The following ITPR2 variants were observed in gnomAD, a reference collection of about 807,000 sequenced individuals.
ITPR2 encodes inositol 1,4,5-trisphosphate receptor type 2.
A neutral mutation model predicts 317.1 loss-of-function variants in ITPR2; 207 were observed. The observed-to-expected ratio is 0.65, with a 90% CI of 0.58 to 0.73. ITPR2 has a LOEUF of 0.73. Among genes scored for constraint, ITPR2 ranks in the 30% least tolerant of loss-of-function variants. ITPR2 has a pLI of 0.00. For synonymous variants in ITPR2, 1,156 were observed against 1,149.1 expected (o/e 1.01, Z -0.12); for missense variants, 2,613 against 3,284.0 (o/e 0.80, Z 4.99).
intron 26 of ITPR2, among the ~76,000 whole-genome samples, chr12:26,612,495 A>G (rs994098024): frequency 2.0e-5 from 3 of 152,312 alleles, no homozygotes; most frequent in South Asian, 2.1e-4. Context: ...CATTGCCACT[A>G]TCTTTGGCTG....
At chr12:26,649,383 T>G (rs1947190847) in intron 21 of ITPR2, 1 of 152,212 alleles carries the variant, frequency 6.6e-6, no homozygotes, top group Admixed American at 6.5e-5. Context: ...ACTGACATAA[T>G]CAATATTCAA....
chr12:26,767,774 C>A (rs1438794797), intron 2 of ITPR2, among the ~76,000 whole-genome samples: 3 of 152,136 alleles, frequency 2.0e-5, no homozygotes, highest in Non-Finnish European at 2.9e-5. Context: ...TGTATTAAAT[C>A]TTTTTCTTCT....
chr12:26,711,791 A>G (rs1948646657), intron 8 of ITPR2, among the ~76,000 whole-genome samples: 1 of 152,226 alleles, frequency 6.6e-6, no homozygotes, highest in African/African-American at 2.4e-5. Context: ...TATGACCATC[A>G]TGAGTATGGG....
chr12:26,549,833 T>A lies in ITPR2; in HGVS notation c.5073+414A>T, dbSNP rs148017450. 3.6e-4 allele frequency among the ~76,000 whole-genome samples: 55 copies of A among 152,000 alleles called. No individual in the cohort carries two copies. The Middle Eastern group carries it at 0.01, about 28-fold the overall frequency. ...AAACTTGGCAGAATATTATAAAAAA[T>A]AACATGAATATATATTTATAATAAA... is the stretch of plus-strand genomic sequence containing the variant. On this transcript the variant is annotated intron_variant, in intron 37 of 56. Transcript: ENST00000381340.
At chr12:26,549,159 A>C (rs1944461463) in intron 37 of ITPR2, among the ~76,000 whole-genome samples, 3 of 152,204 alleles carry the variant, frequency 2.0e-5, no homozygotes, top group African/African-American at 7.2e-5. Context: ...ATCATTTTTT[A>C]AATATGAAAG....
At chr12:26,753,338 TG>T (rs1370169875) in intron 2 of ITPR2, among the ~76,000 whole-genome samples, 6 of 152,348 alleles carry the variant, frequency 3.9e-5, no homozygotes, top group African/African-American at 1.4e-4. Flanking sequence ...TGGAATAATC[TG>T]CCTTGTACTC....
intron 2 of ITPR2, among the ~76,000 whole-genome samples, chr12:26,749,901 A>C (rs1270479435): frequency 6.6e-6 from 1 of 152,116 alleles, no homozygotes; most frequent in Non-Finnish European, 1.5e-5. Flanking sequence ...ACAATTGCTA[A>C]TTCATATTTG....
At chr12:26,702,965 C>G (rs974866637) in intron 9 of ITPR2, among the ~76,000 whole-genome samples, 2 of 152,166 alleles carry the variant, frequency 1.3e-5, no homozygotes, top group Admixed American at 6.5e-5. Context: ...GATTCAACTA[C>G]GGAATTTCCA....
At chr12:26,546,530 A>G (rs1013956533) in intron 37 of ITPR2, among the ~76,000 whole-genome samples, 1 of 152,208 alleles carries the variant, frequency 6.6e-6, no homozygotes, top group African/African-American at 2.4e-5. Context: ...ATGACATGAT[A>G]TCATATTCTT....
chr12:26,659,281 T>G lies in ITPR2; in HGVS notation c.1718A>C (p.Tyr573Ser). Residue 573 changes from tyrosine (Y) to serine (S), a missense_variant, in exon 16 of 57, where the codon TAT becomes TCT. This residue lies in a region of ITPR2 where 515 missense variants were observed against 789.4 expected (regional missense o/e 0.65). Coordinates refer to ENST00000381340, the MANE Select transcript of ITPR2 (RefSeq NM_002223.4). ...CATGACACAGAAATTCTTAGCAATA[T>G]ATTCCTGCAAAGAAGAAAGGCTGTC... is the stretch of plus-strand genomic sequence containing the variant. ...SQQDYRKNQE[Y>S]IAKNFCVMQS... 1 of 1,613,024 alleles carries G rather than the reference T, an allele frequency of 6.2e-7. No homozygotes were observed. Among genetic ancestry groups the G allele is most frequent in the Non-Finnish European group, 8.5e-7 (1 of 1,179,682 alleles).
At chr12:26,501,820 T>C (rs962432389) in intron 37 of ITPR2, among the ~76,000 whole-genome samples, 4 of 152,224 alleles carry the variant, frequency 2.6e-5, no homozygotes, top group Admixed American at 1.3e-4. Context: ...AAAAAGCAAT[T>C]CTGCAGCATA....
intron 9 of ITPR2, among the ~76,000 whole-genome samples, chr12:26,706,184 G>A (rs575374792): frequency 1.3e-3 from 205 of 152,254 alleles, no homozygotes; most frequent in Middle Eastern, 3.4e-3. Flanking sequence ...TGTGGCTGTT[G>A]TGAATGAGAA....
rs182968385 is a variant in ITPR2, at chr12:26,379,342, T to C, written c.7857+8092A>G. 3.9e-5 allele frequency among the ~76,000 whole-genome samples: 6 copies of C among 152,314 alleles called. No homozygotes were observed. The East Asian group carries it at 1.2e-3, about 29-fold the overall frequency. ...GATAAGTAGTCAACACTTACCCATG[T>C]CAGTTATATTAGTGGTAGTGTTGTT... On this transcript the variant is annotated intron_variant, in intron 55 of 56. Coordinates refer to ENST00000381340, the MANE Select transcript of ITPR2 (RefSeq NM_002223.4).
intron 51 of ITPR2, 70 bp downstream of exon 51, chr12:26,415,233 T>C: frequency 2.0e-6 from 2 of 979,908 alleles, no homozygotes; most frequent in South Asian, 1.7e-5. Context: ...TTATCTATGA[T>C]CCTGTTAACA....
At chr12:26,577,981 C>T (rs4964003) in intron 34 of ITPR2, among the ~76,000 whole-genome samples, 111,281 of 152,072 alleles carry the variant, frequency 0.73, 42,134 homozygotes, top group Non-Finnish European at 0.83. Context: ...TGGTAAGTAC[C>T]CAACAAATGT....
In ITPR2 at chr12:26,824,295, G is replaced by C. The variant is rs527796016; in HGVS notation, c.92+8395C>G. Among the ~76,000 whole-genome samples, 30 of 152,208 alleles carry C rather than the reference G, an allele frequency of 2.0e-4. 1 individual carries two copies. In the East Asian group the frequency reaches 4.8e-3, roughly 25 times the overall value. On this transcript the variant is annotated intron_variant, in intron 1 of 56. Transcript: ENST00000381340. Reference sequence around the variant, plus strand: ...TTTCTACTGAATGAGTATTACTTTTGCACCATCATCAAGTTGAAAAATTGT... The same window carrying C: ...TTTCTACTGAATGAGTATTACTTTTCCACCATCATCAAGTTGAAAAATTGT...
intron 52 of ITPR2, among the ~76,000 whole-genome samples, chr12:26,404,376 T>C (rs1480130671): frequency 2.6e-5 from 4 of 152,156 alleles, no homozygotes; most frequent in Admixed American, 2.6e-4. Context: ...TGTATGTTTA[T>C]AGAATGAGAA....
intron 2 of ITPR2, among the ~76,000 whole-genome samples, chr12:26,772,230 T>G (rs925039231): frequency 3.4e-4 from 51 of 151,554 alleles, no homozygotes; most frequent in African/African-American, 1.1e-3. Context: ...CCAACAAGTC[T>G]ACATGTCCTT....
chr12:26,635,757 C>T (rs1232695180), intron 21 of ITPR2, among the ~76,000 whole-genome samples: 2 of 152,180 alleles, frequency 1.3e-5, no homozygotes, highest in African/African-American at 2.4e-5. Context: ...TATAAACCTG[C>T]CCTTGCTGGA....
Sources: gnomAD v4.1 joint callset for allele counts (sites outside exome capture counted in the v4.1 genomes callset) on GRCh38, gnomAD v4.1.1 for gene constraint, gnomAD v4.1.1 regional missense constraint, MANE v1.5 for transcripts, NCBI Gene and HGNC (gene_info 2026-07-23, HGNC 2026-07-21) for gene names.